The following SLC24A3 variants were observed in gnomAD, a reference collection of about 807,000 sequenced individuals.
The protein encoded by SLC24A3 is solute carrier family 24 member 3, also known as sodium/potassium/calcium exchanger 3.
In SLC24A3, 28 loss-of-function variants were observed where a neutral mutation model predicts 75.8. The ratio of observed to expected loss-of-function variants is 0.37; its 90% CI spans 0.27 to 0.51. SLC24A3 has a LOEUF of 0.51. SLC24A3 is among the 20% of genes least tolerant of loss of function. The pLI is 0.94. For missense variants in SLC24A3, 663 were observed against 847.8 expected (o/e 0.78, Z 2.71); for synonymous variants, 372 against 334.1 (o/e 1.11, Z -1.24).
At chr20:19,442,156 G>T (rs182025793) in intron 2 of SLC24A3, among the ~76,000 whole-genome samples, 1 of 152,170 alleles carries the variant, frequency 6.6e-6, no homozygotes, top group African/African-American at 2.4e-5. Flanking sequence ...GAATAAGGCT[G>T]CTATGAATAT....
At chr20:19,503,411 A>C (rs7264540) in intron 2 of SLC24A3, among the ~76,000 whole-genome samples, 26,792 of 152,116 alleles carry the variant, frequency 0.18, 2,859 homozygotes, top group African/African-American at 0.3. Flanking sequence ...AGAGATGGAG[A>C]CTTGATATTT....
At chr20:19,268,696 T>C (rs1358702130) in intron 1 of SLC24A3, among the ~76,000 whole-genome samples, 2 of 152,240 alleles carry the variant, frequency 1.3e-5, no homozygotes, top group Non-Finnish European at 2.9e-5. Flanking sequence ...TTGGTCAACT[T>C]GAGTTGTGTT....
intron 1 of SLC24A3, among the ~76,000 whole-genome samples, chr20:19,218,854 G>T (rs181547722): frequency 3.3e-5 from 5 of 152,230 alleles, no homozygotes; most frequent in African/African-American, 9.6e-5. Flanking sequence ...TTGAGTGAAA[G>T]AACTTTTTGG....
Position 19,291,458 on chromosome 20 carries a change from G to A in SLC24A3, c.271+10371G>A, listed in dbSNP as rs1035296295. Among the ~76,000 whole-genome samples the A allele has an allele frequency of 2.0e-5, 3 of 152,292 alleles. No homozygotes were observed. In the South Asian group the frequency reaches 6.2e-4, roughly 32 times the overall value. ...GGGCCACGGCCACACCTCGGTTTGT[G>A]TGCCCTGGAGTAGGTTCCACTGAGG... On this transcript the variant is annotated intron_variant, in intron 2 of 16. Coordinates refer to ENST00000328041, the MANE Select transcript of SLC24A3 (RefSeq NM_020689.4).
At chr20:19,706,166 A>G (rs2032927560) in intron 15 of SLC24A3, among the ~76,000 whole-genome samples, 1 of 152,180 alleles carries the variant, frequency 6.6e-6, no homozygotes, top group South Asian at 2.1e-4. Context: ...AGCTGTCCAG[A>G]AATATTCTCA....
At chr20:19,215,699 G>A (rs1352510124) in intron 1 of SLC24A3, among the ~76,000 whole-genome samples, 4 of 152,006 alleles carry the variant, frequency 2.6e-5, no homozygotes, top group Non-Finnish European at 5.9e-5. Flanking sequence ...AAATAGAGAT[G>A]TGTGATAATT....
At position 19,600,515 on chromosome 20, in the gene SLC24A3, T is replaced by G. The variant is rs1455747761; in HGVS notation, c.612+14971T>G. ...AATGGATTTTAATGAAGTGCTACTC[T>G]ACAAGTTTGAACTGAAGCAAAATGT... On this transcript the variant is annotated intron_variant, in intron 6 of 16. Transcript: ENST00000328041. Among the ~76,000 whole-genome samples the G allele has an allele frequency of 2.0e-5, 3 of 152,382 alleles. No homozygotes were observed. The East Asian group carries it at 5.8e-4, about 29-fold the overall frequency.
intron 3 of SLC24A3, among the ~76,000 whole-genome samples, chr20:19,518,768 C>T (rs1318022332): frequency 6.6e-6 from 1 of 152,234 alleles, no homozygotes; most frequent in Non-Finnish European, 1.5e-5. Flanking sequence ...TTAGCTCAGG[C>T]TTCGCCCGAA....
In SLC24A3 at chr20:19,636,662, T is replaced by C. The variant is rs374986672; in HGVS notation, c.613-17400T>C. 5.9e-5 allele frequency among the ~76,000 whole-genome samples: 9 copies of C among 152,300 alleles called. 1 individual carries two copies. Among genetic ancestry groups the C allele is most frequent in the South Asian group, 2.1e-4 (1 of 4,828 alleles). ...ACCTCCACAGAGCCAGCAATCAGCC[T>C]TCCTGTTTGGAGGAATTTGGGCAAA... On this transcript the variant is annotated intron_variant, in intron 6 of 16. Coordinates refer to ENST00000328041, the MANE Select transcript of SLC24A3 (RefSeq NM_020689.4).
intron 2 of SLC24A3, among the ~76,000 whole-genome samples, chr20:19,456,943 T>A (rs983881339): frequency 6.6e-6 from 1 of 152,236 alleles, no homozygotes; most frequent in Non-Finnish European, 1.5e-5. Context: ...GTCCAGAATC[T>A]CTGTTAATGA....
rs1287368851 is a variant in SLC24A3 at position 19,309,040 on chromosome 20, G to C, written c.271+27953G>C. Among the ~76,000 whole-genome samples, 7 of 152,166 alleles carry C rather than the reference G, an allele frequency of 4.6e-5. 1 individual carries two copies. Among genetic ancestry groups the C allele is most frequent in the Admixed American group, 4.6e-4 (7 of 15,280 alleles). On this transcript the variant is annotated intron_variant, in intron 2 of 16. Transcript: ENST00000328041. ...AGCCATGGATTCGTGGAGGACATATGTTATTTTACCGTCTTGTAATTCAGA... is the reference window on the plus strand; with the variant it reads ...AGCCATGGATTCGTGGAGGACATATCTTATTTTACCGTCTTGTAATTCAGA...
rs143454742 is a variant in SLC24A3, at chr20:19,557,193, G to A, written c.349-22807G>A. Among the ~76,000 whole-genome samples, 20 of 152,328 alleles carry A rather than the reference G, an allele frequency of 1.3e-4. 1 individual carries two copies. The East Asian group carries it at 3.9e-3, about 29-fold the overall frequency. On this transcript the variant is annotated intron_variant, in intron 3 of 16. Transcript: ENST00000328041. ...ACTTTTCTATGGCTTTTATCCGCTA[G>A]ATAAAGAGGTCTTTTCCACCTACAA...
chr20:19,531,129 C>G (rs1263283418), intron 3 of SLC24A3, among the ~76,000 whole-genome samples: 2 of 150,868 alleles, frequency 1.3e-5, no homozygotes, highest in Non-Finnish European at 2.9e-5. Flanking sequence ...GGGAGTTGAG[C>G]AGAAAGGCCC....
intron 2 of SLC24A3, among the ~76,000 whole-genome samples, chr20:19,349,738 C>T (rs555606324): frequency 6.6e-6 from 1 of 152,160 alleles, no homozygotes; most frequent in South Asian, 2.1e-4. Context: ...TCCTTTATTC[C>T]CTATCCCTTT....
intron 2 of SLC24A3, among the ~76,000 whole-genome samples, chr20:19,310,637 C>T (rs150257887): frequency 5.6e-4 from 85 of 152,328 alleles, no homozygotes; most frequent in Non-Finnish European, 1.1e-3. Context: ...TCATAGATGT[C>T]TGCAGCCTAT....
intron 8 of SLC24A3, among the ~76,000 whole-genome samples, chr20:19,666,419 T>A (rs1174953871): frequency 2.0e-5 from 3 of 151,942 alleles, no homozygotes; most frequent in African/African-American, 7.3e-5. Context: ...GGCAGGAGAA[T>A]GGCATGAACC....
intron 1 of SLC24A3, among the ~76,000 whole-genome samples, chr20:19,271,723 A>G (rs1204095561): frequency 1.3e-5 from 2 of 152,166 alleles, no homozygotes; most frequent in Admixed American, 1.3e-4. Flanking sequence ...ATTCTCAGTG[A>G]AGTAACTCAG....
intron 2 of SLC24A3, among the ~76,000 whole-genome samples, chr20:19,295,808 G>GT (rs760889250): frequency 0.015 from 2,120 of 145,912 alleles, 18 homozygotes; most frequent in South Asian, 0.021. Context: ...TTGGCCTTAA[G>GT]TTTTTTTTTT....
At chr20:19,710,293 A>G (rs2032974499) in intron 15 of SLC24A3, among the ~76,000 whole-genome samples, 1 of 152,168 alleles carries the variant, frequency 6.6e-6, no homozygotes, top group Non-Finnish European at 1.5e-5. Flanking sequence ...TGGCTCTCCA[A>G]AGGTAATAGG....
Sources: allele counts gnomAD v4.1 joint callset (sites outside exome capture counted in the v4.1 genomes callset), GRCh38; gene constraint gnomAD v4.1.1; transcripts MANE v1.5; gene names NCBI Gene and HGNC (gene_info 2026-07-23, HGNC 2026-07-21).